The following VWF variants were observed in gnomAD, a reference collection of about 807,000 sequenced individuals.
The protein encoded by VWF is Factor VIII related antigen.
VWF carries 176 observed loss-of-function variants against 308.6 expected under a neutral mutation model. The observed-to-expected ratio is 0.57, with a 90% CI of 0.50 to 0.65. VWF has a LOEUF of 0.65. Among genes scored for constraint, VWF ranks in the 30% least tolerant of loss-of-function variants. The pLI is 0.00. For missense variants in VWF, 3,146 were observed against 3,648.2 expected (o/e 0.86, Z 3.55); for synonymous variants, 1,385 against 1,443.4 (o/e 0.96, Z 0.92).
At chr12:5,984,572 G>A (rs528083323) in intron 40 of VWF, among the ~76,000 whole-genome samples, 13 of 152,310 alleles carry the variant, frequency 8.5e-5, no homozygotes, top group East Asian at 7.7e-4. Flanking sequence ...CATGCTAACC[G>A]TAATTCCATC....
intron 3 of VWF, among the ~76,000 whole-genome samples, chr12:6,117,874 C>G (rs933973348): frequency 6.6e-6 from 1 of 152,192 alleles, no homozygotes; most frequent in Non-Finnish European, 1.5e-5. Context: ...TCGGAACACT[C>G]AGTGAAGAGG....
intron 38 of VWF, among the ~76,000 whole-genome samples, chr12:5,988,745 G>T (rs752859911): frequency 6.6e-6 from 1 of 152,134 alleles, no homozygotes; most frequent in Non-Finnish European, 1.5e-5. Flanking sequence ...ATGCAGCAAC[G>T]CGGCCGGCAG....
chr12:6,089,642 C>T (rs1235528669), intron 6 of VWF, among the ~76,000 whole-genome samples: 2 of 152,200 alleles, frequency 1.3e-5, no homozygotes, highest in Non-Finnish European at 2.9e-5. Flanking sequence ...CCTGTCTTTA[C>T]CTCCCACTCA....
chr12:6,056,999 C>T lies in VWF; in HGVS notation c.1803G>A (p.Pro601=). 1 of 1,547,028 alleles carries T rather than the reference C, an allele frequency of 6.5e-7. No homozygotes were observed. The change falls in exon 15 of 52, where the codon CCG becomes CCA. Residue 601 remains proline, a synonymous_variant. Transcript: ENST00000261405. ...TFEACHRAVS[P]LPYLRNCRYD... ...AGCGGCAGTTCCGCAGGTAGGGCAGCGGGCTGACGGCACGATGGCAGGCCT... is the reference window on the plus strand; with the variant it reads ...AGCGGCAGTTCCGCAGGTAGGGCAGTGGGCTGACGGCACGATGGCAGGCCT...
intron 34 of VWF, among the ~76,000 whole-genome samples, chr12:6,000,308 G>T (rs2885749): frequency 0.04 from 6,112 of 152,158 alleles, 405 homozygotes; most frequent in African/African-American, 0.14. Context: ...AAGGACAAAA[G>T]AATTATATTG....
At chr12:6,086,032 G>T (rs1216851724) in intron 6 of VWF, among the ~76,000 whole-genome samples, 1 of 152,144 alleles carries the variant, frequency 6.6e-6, no homozygotes, top group African/African-American at 2.4e-5. Flanking sequence ...ACAACCATTG[G>T]CTCCCTGCCC....
intron 6 of VWF, among the ~76,000 whole-genome samples, chr12:6,090,016 A>G (rs1158590082): frequency 2.6e-5 from 4 of 151,856 alleles, no homozygotes; most frequent in South Asian, 2.1e-4. Context: ...GGAGTGCAGT[A>G]GTGCAATCTC....
At position 6,052,624 on chromosome 12, in the gene VWF, A is replaced by T; in HGVS notation, c.2105T>A (p.Val702Glu). The change falls in exon 16 of 52, where the codon GTG becomes GAG. Residue 702 changes from valine to glutamate, a missense_variant. Physicochemically the swap from Val to Glu is moderately radical, Grantham distance 121. Coordinates refer to ENST00000261405, the MANE Select transcript of VWF (RefSeq NM_000552.5). ...GLYMDERGDC[V>E]PKAQCPCYYD... ...GTAACAGGGGCACTGGGCCTTGGGC[A>T]CGCAGTCCCCCCTCTCATCCATGTA... 6.2e-7 allele frequency: 1 copy of T among 1,614,264 alleles called. No individual in the cohort carries two copies. Among genetic ancestry groups the T allele is most frequent in the Non-Finnish European group, 8.5e-7 (1 of 1,180,048 alleles).
chr12:5,950,586 A>G (rs928278195), intron 50 of VWF, among the ~76,000 whole-genome samples: 2 of 152,078 alleles, frequency 1.3e-5, no homozygotes, highest in African/African-American at 4.8e-5. Flanking sequence ...CCCTAACTAC[A>G]TATTAGTCTG....
chr12:5,981,909 G>A lies in VWF; in HGVS notation c.7164C>T (p.Cys2388=). 6.3e-7 allele frequency: 1 copy of A among 1,597,178 alleles called. No individual in the cohort carries two copies. The highest frequency in any genetic ancestry group is 8.5e-7 in the Non-Finnish European group (1 of 1,171,208). The part of the protein sequence containing the change: ...HRLPTLRKTQ[C]CDEYECACNC... ...TGCAGGCACACTCATACTCATCACA[G>A]CACTGGGTCTTCCGAAGGGTGGGCA... Residue 2388 remains cysteine (C), a synonymous_variant, in exon 42 of 52, where the codon TGC becomes TGT. Coordinates refer to ENST00000261405, the MANE Select transcript of VWF (RefSeq NM_000552.5).
chr12:5,982,108 G>A (rs1421127596), intron 41 of VWF, 117 bp from the exon 42 acceptor site: 8 of 946,948 alleles, frequency 8.4e-6, no homozygotes, highest in Non-Finnish European at 1.1e-5. Context: ...AGAAATGTGT[G>A]AGGGCCAAGC....
chr12:6,055,759 TATACACACACACACAC>T (rs913826037), intron 15 of VWF, among the ~76,000 whole-genome samples: 1 of 66,260 alleles, frequency 1.5e-5, no homozygotes, highest in Admixed American at 1.2e-4. Context: ...TATATATATG[TATACACACACACACAC>T]ACACACACAC....
At chr12:6,078,258 G>C (rs773450460) in intron 6 of VWF, among the ~76,000 whole-genome samples, 2 of 152,186 alleles carry the variant, frequency 1.3e-5, no homozygotes, top group Non-Finnish European at 2.9e-5. Context: ...GAACAGAGGG[G>C]CTGCTTGTAT....
chr12:5,990,739 C>T (rs1269018501), intron 38 of VWF, among the ~76,000 whole-genome samples: 2 of 151,894 alleles, frequency 1.3e-5, no homozygotes, highest in Admixed American at 6.6e-5. Flanking sequence ...TGTGCACAGA[C>T]ACACACTGCC....
intron 18 of VWF, among the ~76,000 whole-genome samples, chr12:6,038,214 G>T (rs892110200): frequency 6.6e-6 from 1 of 152,166 alleles, no homozygotes; most frequent in Non-Finnish European, 1.5e-5. Context: ...TGTCCACATC[G>T]CCCCGTCCAG....
chr12:6,084,510 G>A (rs1944947811), intron 6 of VWF, among the ~76,000 whole-genome samples: 1 of 152,168 alleles, frequency 6.6e-6, no homozygotes, highest in Non-Finnish European at 1.5e-5. Flanking sequence ...CATCTTCCCT[G>A]GAGACATCAG....
chr12:6,012,153 C>T (rs1354917065), intron 32 of VWF, 23 bp from the exon 33 acceptor site: 62 of 1,613,664 alleles, frequency 3.8e-5, no homozygotes, highest in Middle Eastern at 1.6e-4. Context: ...CAAATAAGAC[C>T]TTAGTTCCCA....
At chr12:6,043,856 A>G (rs1168312592) in intron 18 of VWF, among the ~76,000 whole-genome samples, 1 of 152,236 alleles carries the variant, frequency 6.6e-6, no homozygotes, top group Non-Finnish European at 1.5e-5. Context: ...CGGCAGGGCC[A>G]TCAATGTCTT....
intron 16 of VWF, 135 bp downstream of exon 16, chr12:6,052,408 C>T (rs112011968): frequency 5.2e-6 from 7 of 1,349,022 alleles, no homozygotes; most frequent in African/African-American, 2.9e-5. Context: ...TTCTGACTTG[C>T]TGTACAGTTC....
Sources: allele counts gnomAD v4.1 joint callset (sites outside exome capture counted in the v4.1 genomes callset), GRCh38; gene constraint gnomAD v4.1.1; transcripts MANE v1.5; gene names NCBI Gene and HGNC (gene_info 2026-07-23, HGNC 2026-07-21).